Variants in ENPEP observed in about 807,000 individuals in gnomAD.
ENPEP encodes AP-A.
A neutral mutation model predicts 114.5 loss-of-function variants in ENPEP; 103 were observed. The ratio of observed to expected loss-of-function variants is 0.90; its 90% CI spans 0.77 to 1.06. The LOEUF (loss-of-function observed/expected upper bound fraction) is 1.06, where lower values mean the gene tolerates loss of function less well. ENPEP is among the 50% of genes least tolerant of loss of function. The pLI is 0.00. For missense variants in ENPEP, 1,196 were observed against 1,161.3 expected (o/e 1.03, Z -0.43); for synonymous variants, 420 against 422.0 (o/e 1.00, Z 0.06).
chr4:110,485,767 CCTCAGTTGT>C (rs1724478999), intron 1 of ENPEP, among the ~76,000 whole-genome samples: 1 of 151,848 alleles, frequency 6.6e-6, no homozygotes, highest in South Asian at 2.1e-4. Context: ...TGAGAATGTC[CCTCAGTTGT>C]AGTTTGTCTG....
chr4:110,486,403 T>A (rs779377992), intron 1 of ENPEP, among the ~76,000 whole-genome samples: 4 of 152,182 alleles, frequency 2.6e-5, no homozygotes, highest in Non-Finnish European at 5.9e-5. Context: ...CTCCAGTCCG[T>A]CTGGTTCAGT....
chr4:110,494,611 T>TAATA, intron 3 of ENPEP, among the ~76,000 whole-genome samples: 1 of 152,294 alleles, frequency 6.6e-6, no homozygotes, highest in Non-Finnish European at 1.5e-5. Context: ...CCTGCATTCT[T>TAATA]AATAGTTTAG....
At chr4:110,528,557 A>G (rs1726284920) in intron 10 of ENPEP, among the ~76,000 whole-genome samples, 1 of 152,210 alleles carries the variant, frequency 6.6e-6, no homozygotes, top group Admixed American at 6.5e-5. Context: ...ATTCTTACTG[A>G]CTAGAACCTT....
At chr4:110,524,755 T>G (rs1398342967) in intron 10 of ENPEP, among the ~76,000 whole-genome samples, 1 of 152,162 alleles carries the variant, frequency 6.6e-6, no homozygotes, top group Non-Finnish European at 1.5e-5. Flanking sequence ...CCAAATGTAT[T>G]TATTTATTTA....
chr4:110,551,444 T>C (rs1036481431), intron 17 of ENPEP, among the ~76,000 whole-genome samples: 4 of 152,160 alleles, frequency 2.6e-5, no homozygotes, highest in African/African-American at 9.7e-5. Flanking sequence ...TGTGTTACTT[T>C]AACCATTTAC....
chr4:110,486,924 G>A (rs1285863976), intron 1 of ENPEP, among the ~76,000 whole-genome samples: 4 of 152,104 alleles, frequency 2.6e-5, no homozygotes, highest in Admixed American at 6.6e-5. Context: ...ATAATTTGGC[G>A]GGTAGGGGCT....
chr4:110,480,017 G>A (rs1180387843), intron 1 of ENPEP, among the ~76,000 whole-genome samples: 1 of 152,130 alleles, frequency 6.6e-6, no homozygotes, highest in Non-Finnish European at 1.5e-5. Flanking sequence ...ATATACCAGA[G>A]AGCTGCCCTT....
At chr4:110,531,957 G>C (rs1726421724) in intron 11 of ENPEP, among the ~76,000 whole-genome samples, 1 of 152,030 alleles carries the variant, frequency 6.6e-6, no homozygotes, top group Admixed American at 6.5e-5. Context: ...AATAGTATTT[G>C]GTATGGACTT....
chr4:110,533,159 C>T (rs981230414), intron 11 of ENPEP: 9 of 441,746 alleles, frequency 2.0e-5, no homozygotes, highest in Non-Finnish European at 3.6e-5. Flanking sequence ...GTGAATAATT[C>T]ATCTACCCTA....
chr4:110,559,908 G>A (rs901914698), intron 19 of ENPEP, among the ~76,000 whole-genome samples, 183 bp downstream of exon 19: 1 of 152,184 alleles, frequency 6.6e-6, no homozygotes, highest in Non-Finnish European at 1.5e-5. Context: ...AGCCCCGCAT[G>A]TGTTAGGTAT....
At chr4:110,513,384 T>C in intron 6 of ENPEP, 31 bp from the exon 7 acceptor site, 1 of 1,603,730 alleles carries the variant, frequency 6.2e-7, no homozygotes, top group Non-Finnish European at 8.5e-7. Flanking sequence ...AAGGAAATAC[T>C]ATATTCCTTT....
chr4:110,555,292 A>C (rs955526147), intron 18 of ENPEP, among the ~76,000 whole-genome samples: 4 of 152,022 alleles, frequency 2.6e-5, no homozygotes, highest in African/African-American at 9.7e-5. Context: ...GAATAAACAG[A>C]ACTTCCCTAT....
At chr4:110,516,983 G>A (rs542758764) in intron 8 of ENPEP, among the ~76,000 whole-genome samples, 5 of 151,886 alleles carry the variant, frequency 3.3e-5, no homozygotes, top group African/African-American at 9.7e-5. Context: ...TCGCTCTGTC[G>A]CCAAGGCTGG....
intron 4 of ENPEP, among the ~76,000 whole-genome samples, chr4:110,508,269 C>CAAAAA (rs11451516): frequency 1.8e-5 from 2 of 109,348 alleles, no homozygotes; most frequent in Non-Finnish European, 3.9e-5. Flanking sequence ...CAGTACTGAC[C>CAAAAA]AAAAAAAAAA....
intron 17 of ENPEP, among the ~76,000 whole-genome samples, chr4:110,550,993 C>T (rs562367410): frequency 6.6e-6 from 1 of 151,722 alleles, no homozygotes; most frequent in Non-Finnish European, 1.5e-5. Context: ...GTGGCTCATG[C>T]CTATAATCCC....
chr4:110,492,424 G>A (rs1223964384), intron 3 of ENPEP, among the ~76,000 whole-genome samples: 2 of 152,134 alleles, frequency 1.3e-5, no homozygotes, highest in Admixed American at 6.5e-5. Context: ...CTATTTCTGT[G>A]AAATGAACAA....
chr4:110,539,916 C>A (rs541231889), intron 11 of ENPEP, among the ~76,000 whole-genome samples: 1 of 152,080 alleles, frequency 6.6e-6, no homozygotes, highest in Admixed American at 6.5e-5. Flanking sequence ...GAACTGTTAC[C>A]TGTGCTCTGT....
At chr4:110,498,390 C>A (rs542034090) in intron 3 of ENPEP, among the ~76,000 whole-genome samples, 5 of 151,930 alleles carry the variant, frequency 3.3e-5, no homozygotes, top group Non-Finnish European at 5.9e-5. Context: ...GCTACTTCTG[C>A]GGGATGATCA....
rs746009635 is a variant in ENPEP, at chr4:110,476,660, G to A, written c.246G>A (p.Glu82=). The change falls in exon 1 of 20, where the codon GAG becomes GAA. Residue 82 remains glutamate (E), a synonymous_variant. Coordinates refer to ENST00000265162, the MANE Select transcript of ENPEP (RefSeq NM_001977.4). ...ACCAGGACATCTGCCCGGCCAGTGAGGATGAGAGCGGACAGTGGAAAAACT... is the reference window on the plus strand; with the variant it reads ...ACCAGGACATCTGCCCGGCCAGTGAAGATGAGAGCGGACAGTGGAAAAACT... ...AQDQDICPAS[E]DESGQWKNFR... The A allele has an allele frequency of 3.7e-6, 6 of 1,613,966 alleles. No homozygotes were observed. The highest frequency in any genetic ancestry group is 5.1e-6 in the Non-Finnish European group (6 of 1,180,046).
Sources: allele counts gnomAD v4.1 joint callset (sites outside exome capture counted in the v4.1 genomes callset), GRCh38; gene constraint gnomAD v4.1.1; transcripts MANE v1.5; gene names NCBI Gene and HGNC (gene_info 2026-07-23, HGNC 2026-07-21).